ARNT2: variants seen among roughly 807,000 people sequenced by gnomAD.
The protein encoded by ARNT2 is aryl hydrocarbon receptor nuclear translocator 2, also known as ARNT protein 2.
A neutral mutation model predicts 91.7 loss-of-function variants in ARNT2; 36 were observed. The observed-to-expected ratio is 0.39, with a 90% CI of 0.30 to 0.52. The LOEUF (loss-of-function observed/expected upper bound fraction) is 0.52, where lower values mean the gene tolerates loss of function less well. Among genes scored for constraint, ARNT2 ranks in the 20% least tolerant of loss-of-function variants. The pLI, the probability that ARNT2 is intolerant of heterozygous loss-of-function variation, is 0.72. For synonymous variants in ARNT2, 365 were observed against 347.1 expected (o/e 1.05, Z -0.57); for missense variants, 775 against 939.3 (o/e 0.83, Z 2.29).
intron 18 of ARNT2, among the ~76,000 whole-genome samples, chr15:80,593,214 C>T (rs1379710041): frequency 1.3e-5 from 2 of 152,248 alleles, no homozygotes; most frequent in Non-Finnish European, 2.9e-5. Flanking sequence ...ATACATCTTC[C>T]TTCCACTCCA....
intron 8 of ARNT2, among the ~76,000 whole-genome samples, chr15:80,516,021 C>A (rs1022360690): frequency 2.6e-5 from 4 of 152,038 alleles, no homozygotes; most frequent in African/African-American, 9.7e-5. Context: ...AGCCTCCCAC[C>A]ACCACACCCA....
At chr15:80,447,029 G>A (rs542698186) in intron 1 of ARNT2, among the ~76,000 whole-genome samples, 1 of 152,202 alleles carries the variant, frequency 6.6e-6, no homozygotes, top group African/African-American at 2.4e-5. Context: ...AAAAAAACAA[G>A]AAGAGCTTTT....
intron 16 of ARNT2, chr15:80,581,011 G>T: frequency 1.7e-6 from 1 of 579,930 alleles, no homozygotes; most frequent in Non-Finnish European, 3.0e-6. Context: ...CCGGATCCTC[G>T]TAGCCCTGGG....
At chr15:80,564,776 C>T (rs1286130610) in intron 12 of ARNT2, among the ~76,000 whole-genome samples, 3 of 148,606 alleles carry the variant, frequency 2.0e-5, no homozygotes, top group African/African-American at 5.0e-5. Flanking sequence ...GGTGAGAACA[C>T]GCGGTATTTG....
intron 1 of ARNT2, chr15:80,442,734 A>G (rs1286129710): frequency 1.6e-6 from 1 of 619,290 alleles, no homozygotes; most frequent in African/African-American, 2.0e-5. Flanking sequence ...CTTTGCTGCG[A>G]AAGTCCTCCT....
rs766622815 is a variant in ARNT2, at chr15:80,442,221, C to T, written c.32-8659C>T. ...AGAAATTCTGGAGCAGTCAAAGGAACGCTTTTTAGGAAACGGCATCTTTCC... is the reference window on the plus strand; with the variant it reads ...AGAAATTCTGGAGCAGTCAAAGGAATGCTTTTTAGGAAACGGCATCTTTCC... On this transcript the variant is annotated intron_variant, in intron 1 of 18. Transcript: ENST00000303329. Among the ~76,000 whole-genome samples the T allele has an allele frequency of 2.0e-4, 30 of 152,310 alleles. No individual in the cohort carries two copies. The Middle Eastern group carries it at 0.017, about 86-fold the overall frequency.
rs1895572334 is a variant in ARNT2, at chr15:80,404,700, A to G, written c.31+154A>G. ...GCTGTCACTACGCGGCAGCCGCAGC[A>G]TCAGCACCAGAGCGGCATCTGCATC... On this transcript the variant is annotated intron_variant, in intron 1 of 18. Coordinates refer to ENST00000303329, the MANE Select transcript of ARNT2 (RefSeq NM_014862.4). The surrounding 1 kb of genome is among the most constrained non-coding windows in gnomAD (Gnocchi z 5.5). Among the ~76,000 whole-genome samples, 1 of 151,628 alleles carries G rather than the reference A, an allele frequency of 6.6e-6. No individual in the cohort carries two copies. The highest frequency in any genetic ancestry group is 2.1e-4 in the South Asian group (1 of 4,820).
At chr15:80,524,282 C>A (rs193098177) in intron 8 of ARNT2, among the ~76,000 whole-genome samples, 9 of 152,050 alleles carry the variant, frequency 5.9e-5, no homozygotes, top group Non-Finnish European at 1.3e-4. Flanking sequence ...AAAATGGACA[C>A]TTTATGTACT....
chr15:80,562,980 T>C (rs563959728), intron 11 of ARNT2, 108 bp from the exon 12 acceptor site: 1 of 1,242,344 alleles, frequency 8.0e-7, no homozygotes, highest in East Asian at 2.3e-5. Flanking sequence ...GCCCCTATTC[T>C]GAGGTCCTGC....
chr15:80,433,247 A>ATTTTAT (rs1555455365), intron 1 of ARNT2, among the ~76,000 whole-genome samples: 1,130 of 70,200 alleles, frequency 0.016, 12 homozygotes, highest in East Asian at 0.14. Flanking sequence ...ATTTTATTTT[A>ATTTTAT]TTTTATTTTA....
At position 80,577,448 on chromosome 15, in the gene ARNT2, A is replaced by G. The variant is rs559766790; in HGVS notation, c.1613+483A>G. Among the ~76,000 whole-genome samples the G allele has an allele frequency of 4.6e-5, 7 of 152,322 alleles. No homozygotes were observed. The East Asian group carries it at 7.7e-4, about 17-fold the overall frequency. On this transcript the variant is annotated intron_variant, in intron 15 of 18. Coordinates refer to ENST00000303329, the MANE Select transcript of ARNT2 (RefSeq NM_014862.4). Reference sequence around the variant, plus strand: ...TCCCAAGGGTTGGTTCTTAGCATCAAGGGCATCTGGTAGGTCACTGAGGAA... The same window carrying G: ...TCCCAAGGGTTGGTTCTTAGCATCAGGGGCATCTGGTAGGTCACTGAGGAA...
chr15:80,448,811 A>G (rs1455218128), intron 1 of ARNT2, among the ~76,000 whole-genome samples: 2 of 152,100 alleles, frequency 1.3e-5, no homozygotes, highest in African/African-American at 2.4e-5. Flanking sequence ...GTGAAACCCC[A>G]TCTCTACTAA....
chr15:80,591,805 C>T lies in ARNT2; in HGVS notation c.2055+101C>T. 12 of 1,548,858 alleles carry T rather than the reference C, an allele frequency of 7.7e-6. No homozygotes were observed. Among genetic ancestry groups the T allele is most frequent in the South Asian group, 7.4e-5 (6 of 81,346 alleles). On this transcript the variant is annotated intron_variant, in intron 18 of 18. Coordinates refer to ENST00000303329, the MANE Select transcript of ARNT2 (RefSeq NM_014862.4). The surrounding 1 kb of genome is among the most constrained non-coding windows in gnomAD (Gnocchi z 5.1). ...GCACCACCGCCTGCCCGATAGCCGT[C>T]GTGAGTTCTGGCCCAGCCTGGGCTC...
chr15:80,525,662 T>A (rs558484708), intron 8 of ARNT2, among the ~76,000 whole-genome samples: 2 of 152,292 alleles, frequency 1.3e-5, no homozygotes, highest in African/African-American at 4.8e-5. Flanking sequence ...CAAACAAGTT[T>A]ATAGAATCTG....
At chr15:80,464,150 C>T (rs78528534) in intron 3 of ARNT2, among the ~76,000 whole-genome samples, 2,086 of 152,160 alleles carry the variant, frequency 0.014, 49 homozygotes, top group African/African-American at 0.048. Context: ...CTAGTCTCTC[C>T]GGGCATTCTA....
At chr15:80,559,327 A>AGCCCCAGCCCCAGCCCCAGCCCCAGC (rs1567001217) in intron 11 of ARNT2, among the ~76,000 whole-genome samples, 1 of 151,204 alleles carries the variant, frequency 6.6e-6, no homozygotes. Flanking sequence ...CCAGCCCCAG[A>AGCCCCAGCCCCAGCCCCAGCCCCAGC]CCCAGCCCCA....
Position 80,597,348 on chromosome 15 carries a change from C to T in ARNT2, c.*3650C>T, listed in dbSNP as rs961862783. 1 of 517,830 alleles carries T rather than the reference C, an allele frequency of 1.9e-6. No individual in the cohort carries two copies. Among genetic ancestry groups the T allele is most frequent in the Admixed American group, 1.9e-5 (1 of 51,464 alleles). The allele number at this position is 517,830 out of a possible 1,614,324, so 32.1% of individuals were successfully genotyped here. ...CGGAACAGCTCTAGGAATAACAAGT[C>T]AGAATAGAAGTGTCCTTTATATTAC... On this transcript the variant is annotated 3_prime_UTR_variant, in exon 19 of 19. Coordinates refer to ENST00000303329, the MANE Select transcript of ARNT2 (RefSeq NM_014862.4).
At chr15:80,417,680 T>C (rs1011749122) in intron 1 of ARNT2, among the ~76,000 whole-genome samples, 1 of 152,008 alleles carries the variant, frequency 6.6e-6, no homozygotes, top group African/African-American at 2.4e-5. Context: ...CCCTCCCTTT[T>C]TTTAAAGACC....
intron 1 of ARNT2, among the ~76,000 whole-genome samples, chr15:80,431,713 G>T (rs1041148619): frequency 6.6e-6 from 1 of 152,202 alleles, no homozygotes; most frequent in Non-Finnish European, 1.5e-5. Context: ...CCAGGCTACC[G>T]GTTGTTGTCC....
Sources: gnomAD v4.1 joint callset for allele counts (sites outside exome capture counted in the v4.1 genomes callset) on GRCh38, gnomAD v4.1.1 for gene constraint, Gnocchi (gnomAD v3.1) non-coding constraint, MANE v1.5 for transcripts, NCBI Gene and HGNC (gene_info 2026-07-23, HGNC 2026-07-21) for gene names.